The following IGLL5 variants were observed in gnomAD, a reference collection of about 807,000 sequenced individuals.
IGLL5 encodes the protein immunoglobulin lambda like polypeptide 5, also known as immunoglobulin lambda-like polypeptide 5.
A neutral mutation model predicts 20.9 loss-of-function variants in IGLL5; 30 were observed. That is an observed-to-expected ratio of 1.44 (90% CI 1.07 to 1.95). The LOEUF is 1.95. IGLL5 is among the 30% of genes most tolerant of loss of function. The pLI is 0.00. For synonymous variants in IGLL5, 203 were observed against 117.3 expected (o/e 1.73, Z -4.72); for missense variants, 475 against 270.7 (o/e 1.75, Z -5.30).
intron 2 of IGLL5, among the ~76,000 whole-genome samples, 198 bp downstream of exon 2, chr22:22,894,016 A>C (rs557740296): frequency 4.0e-5 from 6 of 149,412 alleles, no homozygotes; most frequent in South Asian, 2.2e-4. Context: ...GAGCAGCCGG[A>C]TGCAGCCTGG....
In IGLL5 at chr22:22,888,044, C is replaced by T. The variant is rs551248126; in HGVS notation, c.-10C>T. 10 of 1,548,734 alleles carry T rather than the reference C, an allele frequency of 6.5e-6. No homozygotes were observed. The highest frequency in any genetic ancestry group is 3.9e-5 in the Admixed American group (2 of 50,798). On this transcript the variant is annotated 5_prime_UTR_variant, in exon 1 of 3. Transcript: ENST00000526893. ...AGTCGGGCCAGAGGTGCCCCTGAAC[C>T]TGAAGGCCAATGAGACCCAAGACAG...
chr22:22,893,932 C>T (rs2067950816), intron 2 of IGLL5, 114 bp downstream of exon 2: 6 of 790,490 alleles, frequency 7.6e-6, no homozygotes, highest in Admixed American at 3.8e-5. Flanking sequence ...AGCACTGACC[C>T]TTACCTTTCT....
At chr22:22,894,224 A>T (rs2068001990) in intron 2 of IGLL5, among the ~76,000 whole-genome samples, 4 of 151,120 alleles carry the variant, frequency 2.6e-5, no homozygotes, top group East Asian at 2.0e-4. Context: ...AGTCTAGGGG[A>T]GCAGCCCCAA....
At chr22:22,894,397 A>G (rs576934230) in intron 2 of IGLL5, among the ~76,000 whole-genome samples, 8 of 151,434 alleles carry the variant, frequency 5.3e-5, no homozygotes, top group Middle Eastern at 3.7e-3. Context: ...TCATGAGGAC[A>G]TGGGGACACA....
At chr22:22,894,557 T>C (rs904040786) in intron 2 of IGLL5, among the ~76,000 whole-genome samples, 4 of 151,462 alleles carry the variant, frequency 2.6e-5, no homozygotes, top group Admixed American at 1.3e-4. Context: ...CGGATCGGCC[T>C]CCTGCCTTCC....
At chr22:22,889,800 T>C (rs2067754380) in intron 1 of IGLL5, among the ~76,000 whole-genome samples, 1 of 151,288 alleles carries the variant, frequency 6.6e-6, no homozygotes, top group African/African-American at 2.4e-5. Flanking sequence ...CCTCGCTATA[T>C]TGCTCAGGCC....
At chr22:22,892,142 T>C (rs1308103097) in intron 1 of IGLL5, among the ~76,000 whole-genome samples, 1 of 151,296 alleles carries the variant, frequency 6.6e-6, no homozygotes, top group Non-Finnish European at 1.5e-5. Context: ...TGGGGAGATA[T>C]TCTTCACTGA....
Position 22,888,128 on chromosome 22 carries a change from C to T in IGLL5, c.75C>T (p.Pro25=), listed in dbSNP as rs532246432. The T allele has an allele frequency of 6.5e-7, 1 of 1,549,556 alleles. No individual in the cohort carries two copies. Among genetic ancestry groups the T allele is most frequent in the Non-Finnish European group, 8.7e-7 (1 of 1,146,694 alleles). ...GCCCTGGTCCCAGGCAGCGCTGGCC[C>T]CTGCTGCTGCTGGGTCTGGCCATGG... ...ELGPGPRQRW[P]LLLLGLAMVA... The change falls in exon 1 of 3, where the codon CCC becomes CCT. Residue 25 remains proline (P), a synonymous_variant. Transcript: ENST00000526893.
intron 2 of IGLL5, among the ~76,000 whole-genome samples, chr22:22,894,437 A>G (rs532092928): frequency 2.6e-5 from 4 of 151,508 alleles, no homozygotes; most frequent in East Asian, 4.0e-4. Context: ...GTGAGGTGCC[A>G]GAATCCAACC....
chr22:22,887,962 A>C lies in IGLL5; in HGVS notation c.-92A>C, dbSNP rs148176138. 7 of 1,021,398 alleles carry C rather than the reference A, an allele frequency of 6.9e-6. No individual in the cohort carries two copies. Among genetic ancestry groups the C allele is most frequent in the Admixed American group, 4.0e-5 (2 of 50,122 alleles). 63.3% of individuals were successfully genotyped at this position (1,021,398 alleles called of 1,614,324 possible). ...GAGCCAATGGACTGGGGTGTACTGT[A>C]ACAGCCCTGCTGGCGAGAGGGACCA... is the stretch of plus-strand genomic sequence containing the variant. On this transcript the variant is annotated 5_prime_UTR_variant, in exon 1 of 3. It removes the in-frame stop codon of an upstream open reading frame in the 5' UTR. Transcript: ENST00000526893.
chr22:22,894,331 T>A (rs1330475597), intron 2 of IGLL5, among the ~76,000 whole-genome samples: 4 of 151,230 alleles, frequency 2.6e-5, no homozygotes, highest in Admixed American at 6.6e-5. Flanking sequence ...GGGAGACCAA[T>A]GGAGGGCACA....
rs1569077453 is a variant in IGLL5 at position 22,887,819 on chromosome 22, A to G, written c.-235A>G. 2 of 591,420 alleles carry G rather than the reference A, an allele frequency of 3.4e-6. No individual in the cohort carries two copies. The highest frequency in any genetic ancestry group is 2.0e-5 in the South Asian group (1 of 50,418). The allele number at this position is 591,420 out of a possible 1,614,324, so 36.6% of individuals were successfully genotyped here. Reference sequence around the variant, plus strand: ...GGAGGCAGTTGAGCCCTGGATTGTGACCGCTTCAGGGCAGTTGGTAGATGC... The same window carrying G: ...GGAGGCAGTTGAGCCCTGGATTGTGGCCGCTTCAGGGCAGTTGGTAGATGC... On this transcript the variant is annotated 5_prime_UTR_variant, in exon 1 of 3. Transcript: ENST00000526893.
intron 1 of IGLL5, among the ~76,000 whole-genome samples, chr22:22,888,499 A>C (rs145247648): frequency 6.6e-6 from 1 of 151,390 alleles, no homozygotes; most frequent in Non-Finnish European, 1.5e-5. Flanking sequence ...GGCGCCACTT[A>C]AATTTTCACC....
At chr22:22,889,347 T>C (rs2067709433) in intron 1 of IGLL5, among the ~76,000 whole-genome samples, 3 of 151,044 alleles carry the variant, frequency 2.0e-5, no homozygotes, top group South Asian at 2.1e-4. Context: ...CTATGGGCAT[T>C]AAAAATGTAT....
intron 1 of IGLL5, among the ~76,000 whole-genome samples, chr22:22,888,900 A>G (rs1601604864): frequency 1.3e-5 from 2 of 151,400 alleles, no homozygotes; most frequent in African/African-American, 4.8e-5. Flanking sequence ...GGCTGGTCTC[A>G]CAGATCGAGG....
chr22:22,888,066 A>C lies in IGLL5; in HGVS notation c.13A>C (p.Thr5Pro). The C allele has an allele frequency of 6.5e-7, 1 of 1,549,166 alleles. No individual in the cohort carries two copies. The highest frequency in any genetic ancestry group is 8.7e-7 in the Non-Finnish European group (1 of 1,146,494). Residue 5 changes from threonine to proline, a missense_variant, in exon 1 of 3, where the codon ACA becomes CCA. Coordinates refer to ENST00000526893, the MANE Select transcript of IGLL5 (RefSeq NM_001178126.2). The part of the protein sequence containing the change: MRPK[T>P]GQVGCETPEE... Reference sequence around the variant, plus strand: ...AACCTGAAGGCCAATGAGACCCAAGACAGGCCAAGTGGGTTGTGAGACCCC... The same window carrying C: ...AACCTGAAGGCCAATGAGACCCAAGCCAGGCCAAGTGGGTTGTGAGACCCC...
intron 2 of IGLL5, among the ~76,000 whole-genome samples, chr22:22,894,325 G>A (rs2068016705): frequency 6.6e-6 from 1 of 151,402 alleles, no homozygotes; most frequent in African/African-American, 2.4e-5. Context: ...CCCAAGGGGA[G>A]ACCAATGGAG....
intron 1 of IGLL5, among the ~76,000 whole-genome samples, chr22:22,890,552 T>C (rs570329331): frequency 9.1e-6 from 1 of 110,336 alleles, no homozygotes; most frequent in Non-Finnish European, 1.8e-5. Flanking sequence ...GCAGTGGAAA[T>C]TTGTGTGTGT....
At chr22:22,888,859 G>A (rs571618130) in intron 1 of IGLL5, among the ~76,000 whole-genome samples, 2 of 151,434 alleles carry the variant, frequency 1.3e-5, no homozygotes, top group South Asian at 2.1e-4. Context: ...GCAATAAAGG[G>A]AGAGGGGATC....
Sources: gnomAD v4.1 joint callset for allele counts (sites outside exome capture counted in the v4.1 genomes callset) on GRCh38, gnomAD v4.1.1 for gene constraint, MANE v1.5 for transcripts, NCBI Gene and HGNC (gene_info 2026-07-23, HGNC 2026-07-21) for gene names.